The following HSD17B12 variants were observed in gnomAD, a reference collection of about 807,000 sequenced individuals.
HSD17B12 encodes very-long-chain 3-oxoacyl-CoA reductase.
HSD17B12 carries 32 observed loss-of-function variants against 39.3 expected under a neutral mutation model. That is an observed-to-expected ratio of 0.81 (90% CI 0.61 to 1.09). HSD17B12 has a LOEUF of 1.09. Ranked by LOEUF, HSD17B12 falls within the 50% of genes least tolerant of loss-of-function variation. The pLI is 0.00. For synonymous variants in HSD17B12, 150 were observed against 146.7 expected (o/e 1.02, Z -0.16); for missense variants, 342 against 382.9 (o/e 0.89, Z 0.89).
At chr11:43,826,969 T>G (rs1951249028) in intron 6 of HSD17B12, among the ~76,000 whole-genome samples, 1 of 152,238 alleles carries the variant, frequency 6.6e-6, no homozygotes, top group East Asian at 1.9e-4. Flanking sequence ...TGATTACAGT[T>G]GAAAACTTGT....
the HSD17B12 span, chr11:43,644,990 G>A: frequency 1.3e-5 from 2 of 152,224 alleles, no homozygotes; most frequent in Admixed American, 1.3e-4. Context: ...GGTACCTTTA[G>A]TTCTAGGGAG....
chr11:43,684,908 A>G (rs1022025257), intron 1 of HSD17B12, among the ~76,000 whole-genome samples: 2 of 152,286 alleles, frequency 1.3e-5, no homozygotes, highest in South Asian at 2.1e-4. Flanking sequence ...CTTTCTGTCT[A>G]CGTAGGTTTG....
the HSD17B12 span, among the ~76,000 whole-genome samples, chr11:43,597,775 CA>C: frequency 6.6e-6 from 1 of 152,170 alleles, no homozygotes; most frequent in Non-Finnish European, 1.5e-5. Context: ...GCTGGAACTA[CA>C]GGCACGTGCC....
At chr11:43,636,435 A>T in the HSD17B12 span, among the ~76,000 whole-genome samples, 2 of 152,210 alleles carry the variant, frequency 1.3e-5, no homozygotes, top group Non-Finnish European at 2.9e-5. Flanking sequence ...GTAGTTCAAC[A>T]GTTAAGGTCC....
intron 3 of HSD17B12, among the ~76,000 whole-genome samples, chr11:43,768,580 T>C (rs756678509): frequency 9.2e-5 from 14 of 152,304 alleles, no homozygotes; most frequent in Admixed American, 2.0e-4. Context: ...TTCCTCCAGA[T>C]GGGTCCAGAA....
intron 1 of HSD17B12, among the ~76,000 whole-genome samples, chr11:43,740,100 G>T (rs1950350624): frequency 6.6e-6 from 1 of 152,150 alleles, no homozygotes; most frequent in African/African-American, 2.4e-5. Flanking sequence ...GGGAAGAAGT[G>T]AATGAATTTG....
At chr11:43,668,016 G>A in the HSD17B12 span, among the ~76,000 whole-genome samples, 1 of 152,130 alleles carries the variant, frequency 6.6e-6, no homozygotes, top group African/African-American at 2.4e-5. Context: ...GCTTGAGTGT[G>A]GTGAGCAAGG....
chr11:43,738,802 C>T (rs1477727135), intron 1 of HSD17B12, among the ~76,000 whole-genome samples: 1 of 152,068 alleles, frequency 6.6e-6, no homozygotes, highest in Non-Finnish European at 1.5e-5. Context: ...GTCCAAAGGA[C>T]GACCAGCATG....
At chr11:43,627,571 T>G in the HSD17B12 span, among the ~76,000 whole-genome samples, 3 of 151,980 alleles carry the variant, frequency 2.0e-5, no homozygotes, top group African/African-American at 7.2e-5. Flanking sequence ...AAAAATTAAA[T>G]TGTTTTTATT....
chr11:43,757,382 C>T (rs1046030462), intron 3 of HSD17B12, among the ~76,000 whole-genome samples: 12 of 151,746 alleles, frequency 7.9e-5, no homozygotes, highest in Non-Finnish European at 1.8e-4. Flanking sequence ...GCCTGTAATC[C>T]CAGCACTTTG....
chr11:43,840,800 C>T (rs1053539649), intron 9 of HSD17B12, among the ~76,000 whole-genome samples: 4 of 152,158 alleles, frequency 2.6e-5, no homozygotes, highest in Admixed American at 6.6e-5. Context: ...TTGTTTCTAC[C>T]TGTTGGGTAT....
the HSD17B12 span, among the ~76,000 whole-genome samples, chr11:43,589,016 G>A: frequency 6.6e-6 from 1 of 150,982 alleles, no homozygotes; most frequent in Non-Finnish European, 1.5e-5. Context: ...TTTTGATGGG[G>A]AGAAAAAGCA....
chr11:43,763,605 G>T (rs1206739076), intron 3 of HSD17B12, among the ~76,000 whole-genome samples: 1 of 133,530 alleles, frequency 7.5e-6, no homozygotes, highest in South Asian at 2.4e-4. Context: ...TATATATAAG[G>T]TTATCTTATA....
chr11:43,838,667 T>A (rs1951394714), intron 8 of HSD17B12, among the ~76,000 whole-genome samples: 1 of 152,110 alleles, frequency 6.6e-6, no homozygotes, highest in South Asian at 2.1e-4. Flanking sequence ...AGCACTCTAC[T>A]GATTTTGAAA....
chr11:43,839,992 C>T lies in HSD17B12; in HGVS notation c.619-7C>T, dbSNP rs374303276. ...GTGTTTTCTTCTCACTCCCACTCCC[C>T]TCCCAGACTTTTGTAGATTTCTTCT... On this transcript the variant is annotated splice_region_variant and splice_polypyrimidine_tract_variant and intron_variant, in intron 8 of 10. Coordinates refer to ENST00000278353, the MANE Select transcript of HSD17B12 (RefSeq NM_016142.3). 5 of 1,611,430 alleles carry T rather than the reference C, an allele frequency of 3.1e-6. No homozygotes were observed. In the Admixed American group the frequency reaches 5.0e-5, roughly 16 times the overall value.
the HSD17B12 span, among the ~76,000 whole-genome samples, chr11:43,657,424 G>A: frequency 6.6e-6 from 1 of 152,188 alleles, no homozygotes; most frequent in South Asian, 2.1e-4. Flanking sequence ...ATTGTTATGT[G>A]TGAATTTGAT....
chr11:43,742,191 A>G (rs1950373920), intron 1 of HSD17B12, among the ~76,000 whole-genome samples: 1 of 147,774 alleles, frequency 6.8e-6, no homozygotes, highest in South Asian at 2.1e-4. Context: ...AGGTTGGAGT[A>G]CAGTGCCGCA....
At chr11:43,621,303 G>A in the HSD17B12 span, among the ~76,000 whole-genome samples, 11 of 152,202 alleles carry the variant, frequency 7.2e-5, no homozygotes, top group Non-Finnish European at 1.5e-4. Flanking sequence ...CAAAGGGACT[G>A]TGGTCACTCA....
At chr11:43,661,708 A>G in the HSD17B12 span, among the ~76,000 whole-genome samples, 1 of 152,288 alleles carries the variant, frequency 6.6e-6, no homozygotes, top group East Asian at 1.9e-4. Context: ...AAGGATGTTC[A>G]TTTCAGCATT....
Sources: allele counts gnomAD v4.1 joint callset (sites outside exome capture counted in the v4.1 genomes callset), GRCh38; gene constraint gnomAD v4.1.1; transcripts MANE v1.5; gene names NCBI Gene and HGNC (gene_info 2026-07-23, HGNC 2026-07-21).